The following SAMD3 variants were observed in gnomAD, a reference collection of about 807,000 sequenced individuals.
SAMD3 encodes sterile alpha motif domain-containing protein 3.
In SAMD3, 63 loss-of-function variants were observed where a neutral mutation model predicts 58.5. The ratio of observed to expected loss-of-function variants is 1.08; its 90% CI spans 0.88 to 1.33. The LOEUF is 1.33. Among genes scored for constraint, SAMD3 ranks in the 40% most tolerant of loss-of-function variants. The probability of loss-of-function intolerance (pLI) is 0.00; values close to 1 mark genes in which losing one functional copy is unlikely to be tolerated. For missense variants in SAMD3, 604 were observed against 608.4 expected (o/e 0.99, Z 0.08); for synonymous variants, 220 against 210.3 (o/e 1.05, Z -0.40).
intron 2 of SAMD3, among the ~76,000 whole-genome samples, chr6:130,290,676 C>T (rs1775333929): frequency 6.6e-6 from 1 of 152,156 alleles, no homozygotes; most frequent in Non-Finnish European, 1.5e-5. Flanking sequence ...GCAAATATTG[C>T]ATTCTTTCTG....
At chr6:130,157,366 TCTCA>T (rs1167855243) in intron 8 of SAMD3, among the ~76,000 whole-genome samples, 1 of 150,722 alleles carries the variant, frequency 6.6e-6, no homozygotes, top group East Asian at 1.9e-4. Flanking sequence ...TGAGACAAGG[TCTCA>T]CTCTGTCACC....
intron 4 of SAMD3, among the ~76,000 whole-genome samples, chr6:130,210,849 G>T (rs1333538615): frequency 1.3e-5 from 2 of 152,018 alleles, no homozygotes; most frequent in Non-Finnish European, 2.9e-5. Context: ...GGCAAGGCAT[G>T]GTAGCTCACA....
At chr6:130,178,569 G>T (rs1791962471) in intron 7 of SAMD3, among the ~76,000 whole-genome samples, 1 of 152,132 alleles carries the variant, frequency 6.6e-6, no homozygotes, top group Admixed American at 6.5e-5. Context: ...GCCATTCCTG[G>T]TTATATGGTT....
chr6:130,272,331 A>C (rs1338017802), intron 2 of SAMD3, among the ~76,000 whole-genome samples: 1 of 152,320 alleles, frequency 6.6e-6, no homozygotes, highest in East Asian at 1.9e-4. Flanking sequence ...GAATTCAAGC[A>C]TGGCTAAAAT....
At chr6:130,269,194 G>A (rs370835476) in intron 2 of SAMD3, among the ~76,000 whole-genome samples, 238 of 152,222 alleles carry the variant, frequency 1.6e-3, no homozygotes, top group African/African-American at 5.3e-3. Context: ...AATTGCTCCA[G>A]CACCATTTGT....
chr6:130,238,244 A>G (rs1366708067), intron 2 of SAMD3, among the ~76,000 whole-genome samples: 1 of 152,202 alleles, frequency 6.6e-6, no homozygotes, highest in African/African-American at 2.4e-5. Flanking sequence ...CTGGGGATTA[A>G]TATTTATGTG....
At chr6:130,301,692 G>A (rs1223552270) in intron 2 of SAMD3, among the ~76,000 whole-genome samples, 1 of 152,062 alleles carries the variant, frequency 6.6e-6, no homozygotes, top group Non-Finnish European at 1.5e-5. Context: ...ATACCATATG[G>A]CTATGGTAAC....
intron 1 of SAMD3, among the ~76,000 whole-genome samples, chr6:130,334,175 A>G (rs1326918572): frequency 6.6e-6 from 1 of 152,210 alleles, no homozygotes; most frequent in East Asian, 1.9e-4. Flanking sequence ...CCATCCTGCC[A>G]CAAATATCAT....
At chr6:130,343,519 T>G (rs922571486) in intron 1 of SAMD3, among the ~76,000 whole-genome samples, 3 of 152,222 alleles carry the variant, frequency 2.0e-5, no homozygotes, top group Non-Finnish European at 4.4e-5. Context: ...GAAGTCAGAC[T>G]ATGAGAGCTG....
intron 2 of SAMD3, among the ~76,000 whole-genome samples, chr6:130,257,145 ATC>A (rs947264645): frequency 1.3e-5 from 2 of 152,082 alleles, no homozygotes; most frequent in Admixed American, 1.3e-4. Context: ...TAAGGGAAAG[ATC>A]TCTCTCTGTC....
At chr6:130,266,225 T>C (rs148662952) in intron 2 of SAMD3, among the ~76,000 whole-genome samples, 122 of 152,324 alleles carry the variant, frequency 8.0e-4, no homozygotes, top group African/African-American at 2.7e-3. Flanking sequence ...AATGTGCCAG[T>C]ACCAGAAATT....
chr6:130,343,974 C>CAAACAA (rs10686988), intron 1 of SAMD3, among the ~76,000 whole-genome samples: 46 of 146,794 alleles, frequency 3.1e-4, no homozygotes, highest in Admixed American at 8.1e-4. Context: ...TAAAAACAAA[C>CAAACAA]AAAAAAAAAA....
intron 7 of SAMD3, chr6:130,183,398 T>C: frequency 2.2e-6 from 1 of 452,806 alleles, no homozygotes; most frequent in Non-Finnish European, 4.4e-6. Flanking sequence ...TGAGGGTCTG[T>C]TTTTATCAGG....
At chr6:130,204,761 A>G (rs551652467) in intron 5 of SAMD3, among the ~76,000 whole-genome samples, 1 of 116,204 alleles carries the variant, frequency 8.6e-6, no homozygotes, top group South Asian at 2.7e-4. Flanking sequence ...GTGAATTTCC[A>G]GGCCTTTTTT....
At chr6:130,308,184 A>G (rs964034843) in intron 2 of SAMD3, among the ~76,000 whole-genome samples, 5 of 152,098 alleles carry the variant, frequency 3.3e-5, no homozygotes, top group Non-Finnish European at 5.9e-5. Flanking sequence ...GTCTTGACTA[A>G]ATCAGAAACT....
At chr6:130,291,173 C>T (rs1309523171) in intron 2 of SAMD3, among the ~76,000 whole-genome samples, 1 of 152,208 alleles carries the variant, frequency 6.6e-6, no homozygotes, top group Non-Finnish European at 1.5e-5. Context: ...TCACTGGAAC[C>T]TCTGCTTCCT....
intron 2 of SAMD3, among the ~76,000 whole-genome samples, chr6:130,309,807 T>C (rs1015414845): frequency 6.6e-6 from 1 of 152,208 alleles, no homozygotes; most frequent in African/African-American, 2.4e-5. Flanking sequence ...TCTGCTAGTA[T>C]CCTGTGCCAT....
At chr6:130,346,309 T>C (rs1458202512) in intron 1 of SAMD3, among the ~76,000 whole-genome samples, 1 of 152,180 alleles carries the variant, frequency 6.6e-6, no homozygotes, top group African/African-American at 2.4e-5. Context: ...GGTCAGGGAA[T>C]TCCCTTTCCT....
In SAMD3 at chr6:130,174,981, CCCTTTTATTAT is replaced by C. The variant is rs1791591782; in HGVS notation, c.822+849_822+859del. Among the ~76,000 whole-genome samples, 3 of 152,280 alleles carry C rather than the reference CCCTTTTATTAT, an allele frequency of 2.0e-5. No homozygotes were observed. In the South Asian group the frequency reaches 6.2e-4, roughly 32 times the overall value. Reference sequence around the variant, plus strand: ...AAAACTGAGGTGACTCAATGCTTTGCCCTTTTATTATCCAATAAATATACCAGATGAAAAAG... The same window carrying C: ...AAAACTGAGGTGACTCAATGCTTTGCCCAATAAATATACCAGATGAAAAAG... On this transcript the variant is annotated intron_variant, in intron 8 of 11. Transcript: ENST00000439090.
Sources: gnomAD v4.1 joint callset for allele counts (sites outside exome capture counted in the v4.1 genomes callset) on GRCh38, gnomAD v4.1.1 for gene constraint, MANE v1.5 for transcripts, NCBI Gene and HGNC (gene_info 2026-07-23, HGNC 2026-07-21) for gene names.